The following TBCD variants were observed in gnomAD, a reference collection of about 807,000 sequenced individuals.
TBCD encodes tubulin folding cofactor D, also known as tubulin-specific chaperone D.
In TBCD, 105 loss-of-function variants were observed where a neutral mutation model predicts 169.3. That is an observed-to-expected ratio of 0.62 (90% CI 0.53 to 0.73). TBCD has a LOEUF of 0.73. TBCD is among the 30% of genes least tolerant of loss of function. TBCD has a pLI of 0.00. For synonymous variants in TBCD, 700 were observed against 643.9 expected (o/e 1.09, Z -1.32); for missense variants, 1,444 against 1,600.1 (o/e 0.90, Z 1.66).
Position 82,831,266 on chromosome 17 carries a change from C to T in TBCD, c.1318+16332C>T. 2 of 1,613,868 alleles carry T rather than the reference C, an allele frequency of 1.2e-6. No homozygotes were observed. Among genetic ancestry groups the T allele is most frequent in the Non-Finnish European group, 1.7e-6 (2 of 1,180,042 alleles). ...CCTGCGCGGGGGCTCATTTTGGACC[C>T]TTCCGTGTCTCTCTGCCCAGCCTTG... On this transcript the variant is annotated intron_variant, in intron 13 of 38. Transcript: ENST00000355528. This position sits in a 1 kb window ranked among gnomAD's most constrained non-coding sequence, Gnocchi z 4.6.
chr17:82,932,506 TGTTTTG>T (rs2062292285), intron 33 of TBCD, among the ~76,000 whole-genome samples, 146 bp from the exon 34 acceptor site: 1 of 152,202 alleles, frequency 6.6e-6, no homozygotes, highest in Non-Finnish European at 1.5e-5. Context: ...TTTCCACAGT[TGTTTTG>T]TCTTTTCCTG....
chr17:82,822,385 T>A (rs2052487610), intron 13 of TBCD, among the ~76,000 whole-genome samples: 1 of 152,222 alleles, frequency 6.6e-6, no homozygotes, highest in South Asian at 2.1e-4. Context: ...TGAATAAGAC[T>A]TGGGGAAGAC....
chr17:82,888,266 G>C (rs190437886), intron 15 of TBCD, among the ~76,000 whole-genome samples: 7 of 152,242 alleles, frequency 4.6e-5, no homozygotes, highest in Non-Finnish European at 1.0e-4. Flanking sequence ...GACGGGCTGT[G>C]CTGCGATGCT....
chr17:82,767,920 C>T (rs933078581), intron 4 of TBCD, among the ~76,000 whole-genome samples: 1 of 151,622 alleles, frequency 6.6e-6, no homozygotes, highest in African/African-American at 2.4e-5. Context: ...CGCCACTGCA[C>T]TCCAGCCTGG....
chr17:82,767,773 G>A (rs1268088181), intron 4 of TBCD, among the ~76,000 whole-genome samples: 3 of 152,036 alleles, frequency 2.0e-5, no homozygotes, highest in South Asian at 2.1e-4. Context: ...TGGCTAACAC[G>A]GTGCAACCCT....
Position 82,768,429 on chromosome 17 carries a change from A to G in TBCD, c.445A>G (p.Thr149Ala), listed in dbSNP as rs1281282573. 2.5e-6 allele frequency: 4 copies of G among 1,613,378 alleles called. No individual in the cohort carries two copies. Among genetic ancestry groups the G allele is most frequent in the Middle Eastern group, 1.6e-4 (1 of 6,084 alleles). The change falls in exon 5 of 39, where the codon ACC (threonine) becomes GCC (alanine). Residue 149 changes from threonine (T) to alanine (A), a missense_variant. Coordinates refer to ENST00000355528, the MANE Select transcript of TBCD (RefSeq NM_005993.5). ...TGGTTTAATTTTTTAGGCTTGGGAA[A>G]CCCGCTACATGCTTTTGCTCTGGCT... ...QNPKDHEAWE[T>A]RYMLLLWLSV...
intron 17 of TBCD, among the ~76,000 whole-genome samples, chr17:82,900,312 T>C (rs1487986141): frequency 1.3e-5 from 2 of 152,216 alleles, no homozygotes; most frequent in East Asian, 3.9e-4. Flanking sequence ...TTGTCAGTCT[T>C]CTTTGGCTTA....
chr17:82,809,668 C>CTGGTGGT, intron 11 of TBCD, 40 bp from the exon 12 acceptor site: 1 of 1,601,542 alleles, frequency 6.2e-7, no homozygotes, highest in East Asian at 2.2e-5. Context: ...TGGCGACAGG[C>CTGGTGGT]TGGTGGTGCC....
At chr17:82,799,571 G>GTC (rs1272574437) in intron 8 of TBCD, among the ~76,000 whole-genome samples, 2 of 151,996 alleles carry the variant, frequency 1.3e-5, no homozygotes, top group East Asian at 3.9e-4. Context: ...CACGCCCCGT[G>GTC]TCTCTCTCAG....
intron 16 of TBCD, among the ~76,000 whole-genome samples, chr17:82,892,559 G>C (rs530613138): frequency 6.6e-6 from 1 of 152,314 alleles, no homozygotes; most frequent in African/African-American, 2.4e-5. Flanking sequence ...GTGGCCCCGG[G>C]TGTTCTCAGG....
chr17:82,804,445 A>G (rs1043428425), intron 9 of TBCD, among the ~76,000 whole-genome samples: 2 of 151,394 alleles, frequency 1.3e-5, no homozygotes, highest in Non-Finnish European at 2.9e-5. Context: ...TGGGTCTGGA[A>G]TCTTGACGTG....
intron 13 of TBCD, among the ~76,000 whole-genome samples, chr17:82,850,251 T>C (rs368239831): frequency 0.043 from 3,488 of 80,534 alleles, 135 homozygotes; most frequent in Admixed American, 0.069. Context: ...GGCTGTGCTG[T>C]TGTTGGCTGT....
chr17:82,908,697 G>A lies in TBCD; in HGVS notation c.1984-588G>A, dbSNP rs112234778. On this transcript the variant is annotated intron_variant, in intron 21 of 38. Transcript: ENST00000355528. ...CATGGCTGCAGAGTGCAGACGGGGAGGTGGCCCCGGGCAGCAGCCATGAAC... is the reference window on the plus strand; with the variant it reads ...CATGGCTGCAGAGTGCAGACGGGGAAGTGGCCCCGGGCAGCAGCCATGAAC... Among the ~76,000 whole-genome samples, 102 of 152,304 alleles carry A rather than the reference G, an allele frequency of 6.7e-4. 1 individual carries two copies. In the Middle Eastern group the frequency reaches 0.01, roughly 15 times the overall value.
intron 34 of TBCD, among the ~76,000 whole-genome samples, chr17:82,934,015 G>A (rs973168589): frequency 2.0e-5 from 3 of 152,216 alleles, no homozygotes; most frequent in Non-Finnish European, 4.4e-5. Flanking sequence ...CCTTCCCACC[G>A]CTGCTGGGGC....
Position 82,926,591 on chromosome 17 carries a change from C to T in TBCD, c.2471+100C>T. ...TTGCTCAGAGGCAGGACTTATGATT[C>T]TTCACTTCCTAGGTTTCCTCTCTTC... On this transcript the variant is annotated intron_variant, in intron 28 of 38. Transcript: ENST00000355528. 3 of 959,786 alleles carry T rather than the reference C, an allele frequency of 3.1e-6. No individual in the cohort carries two copies. The Admixed American group carries it at 6.4e-5, about 21-fold the overall frequency. 59.5% of individuals were successfully genotyped at this position (959,786 alleles called of 1,614,324 possible). A position where few individuals can be genotyped will look rare whatever the true frequency, so the allele number is the denominator to read the frequency against.
intron 13 of TBCD, among the ~76,000 whole-genome samples, chr17:82,852,027 T>C (rs1482425497): frequency 1.2e-4 from 19 of 152,188 alleles, no homozygotes; most frequent in Admixed American, 1.2e-3. Flanking sequence ...TTCAGTTCTG[T>C]CATTAAGTGT....
At chr17:82,771,791 CA>C (rs1172412290) in intron 5 of TBCD, among the ~76,000 whole-genome samples, 1 of 151,402 alleles carries the variant, frequency 6.6e-6, no homozygotes, top group Non-Finnish European at 1.5e-5. Context: ...AAAACAACAG[CA>C]AAAAAACCCT....
At chr17:82,866,160 C>G (rs958043162) in intron 13 of TBCD, among the ~76,000 whole-genome samples, 2 of 152,152 alleles carry the variant, frequency 1.3e-5, no homozygotes, top group East Asian at 3.8e-4. Flanking sequence ...CGCCCCTCCC[C>G]GAGCTTTGTG....
chr17:82,809,358 C>T (rs1271313672), intron 11 of TBCD, among the ~76,000 whole-genome samples: 9 of 152,242 alleles, frequency 5.9e-5, no homozygotes, highest in Non-Finnish European at 7.4e-5. Flanking sequence ...ACAGAGGAAG[C>T]CCGGCTCCAG....
Sources: allele counts gnomAD v4.1 joint callset (sites outside exome capture counted in the v4.1 genomes callset), GRCh38; gene constraint gnomAD v4.1.1; non-coding constraint Gnocchi (gnomAD v3.1); transcripts MANE v1.5; gene names NCBI Gene and HGNC (gene_info 2026-07-23, HGNC 2026-07-21).